The following SLC25A21 variants were observed in gnomAD, a reference collection of about 807,000 sequenced individuals.
SLC25A21 encodes the protein mitochondrial 2-oxodicarboxylate carrier.
A neutral mutation model predicts 43.8 loss-of-function variants in SLC25A21; 47 were observed. That is an observed-to-expected ratio of 1.07 (90% CI 0.85 to 1.37). SLC25A21 has a LOEUF of 1.37. Ranked by LOEUF, SLC25A21 falls within the 40% of genes most tolerant of loss-of-function variation. The pLI, the probability that SLC25A21 is intolerant of heterozygous loss-of-function variation, is 0.00. For synonymous variants in SLC25A21, 131 were observed against 121.3 expected, an observed-to-expected ratio of 1.08 and a Z score of -0.52; for missense variants, 352 against 350.2, an observed-to-expected ratio of 1.00 and a Z score of -0.04.
chr14:36,727,382 G>C lies in SLC25A21; in HGVS notation c.331-1705C>G, dbSNP rs75258141. ...GTGCTATGCAAACACCATTGTTCTT[G>C]TTGCGCATAAAAAAGGAAGAATGGG... On this transcript the variant is annotated intron_variant, in intron 5 of 9. Transcript: ENST00000331299. 6.8e-3 allele frequency among the ~76,000 whole-genome samples: 1,043 copies of C among 152,264 alleles called. 10 individuals carry two copies. The highest frequency in any genetic ancestry group is 0.024 in the African/African-American group (983 of 41,538).
chr14:36,934,317 G>A (rs1159992608), intron 1 of SLC25A21, among the ~76,000 whole-genome samples: 1 of 151,946 alleles, frequency 6.6e-6, no homozygotes, highest in African/African-American at 2.4e-5. Flanking sequence ...ATCTTAGGAA[G>A]GAGAATCTCT....
rs1483344608 is a variant in SLC25A21, at chr14:37,172,055, C to T, written c.70+226G>A. ...GACAATGCCGGGAACCCGAGAGCGG[C>T]CGGCGCGGACGCCGAGGCAACTTTA... On this transcript the variant is annotated intron_variant, in intron 1 of 9. Coordinates refer to ENST00000331299, the MANE Select transcript of SLC25A21 (RefSeq NM_030631.4). The T allele has an allele frequency of 5.5e-6, 3 of 546,322 alleles. No homozygotes were observed. The East Asian group carries it at 9.0e-5, about 16-fold the overall frequency. 33.8% of individuals were successfully genotyped at this position (546,322 alleles called of 1,614,324 possible).
chr14:36,681,746 T>A (rs553543018), intron 9 of SLC25A21, among the ~76,000 whole-genome samples: 5 of 152,228 alleles, frequency 3.3e-5, no homozygotes, highest in Non-Finnish European at 7.4e-5. Flanking sequence ...CTTTTTTTTT[T>A]AATCTATAGG....
intron 1 of SLC25A21, among the ~76,000 whole-genome samples, chr14:36,904,614 C>T (rs573382114): frequency 1.3e-5 from 2 of 152,294 alleles, no homozygotes; most frequent in South Asian, 2.1e-4. Flanking sequence ...ACTCACAGTT[C>T]CACATGGCTG....
chr14:36,856,416 A>G (rs1330146147), intron 2 of SLC25A21, among the ~76,000 whole-genome samples: 1 of 152,094 alleles, frequency 6.6e-6, no homozygotes, highest in Non-Finnish European at 1.5e-5. Context: ...TAGCTCAGAC[A>G]TGGCTTGTAA....
intron 7 of SLC25A21, among the ~76,000 whole-genome samples, chr14:36,691,632 T>G (rs759419031): frequency 2.0e-5 from 3 of 152,220 alleles, no homozygotes; most frequent in African/African-American, 7.2e-5. Flanking sequence ...GGCGGGAGGA[T>G]AGCTTGAAGC....
At chr14:36,715,670 T>C (rs1414992851) in intron 6 of SLC25A21, among the ~76,000 whole-genome samples, 1 of 152,236 alleles carries the variant, frequency 6.6e-6, no homozygotes, top group African/African-American at 2.4e-5. Context: ...AACAAATATT[T>C]TTTGCTTTAA....
chr14:36,740,174 T>A (rs1346251939), intron 3 of SLC25A21, among the ~76,000 whole-genome samples: 1 of 152,238 alleles, frequency 6.6e-6, no homozygotes, highest in Non-Finnish European at 1.5e-5. Context: ...AAGATAATTG[T>A]TAAATCTTAA....
Position 36,832,442 on chromosome 14 carries a change from T to G in SLC25A21, c.120-18441A>C, listed in dbSNP as rs1404688680. ...TGGAATTTTCTCATAAATATCCTAT[T>G]GCTTTGAGGCTCACGGGCCTGACTA... On this transcript the variant is annotated intron_variant, in intron 2 of 9. Coordinates refer to ENST00000331299, the MANE Select transcript of SLC25A21 (RefSeq NM_030631.4). Among the ~76,000 whole-genome samples the G allele has an allele frequency of 2.0e-5, 3 of 152,304 alleles. No homozygotes were observed. In the East Asian group the frequency reaches 5.8e-4, roughly 29 times the overall value.
chr14:37,170,276 C>T (rs1471234288), intron 1 of SLC25A21, among the ~76,000 whole-genome samples: 2 of 152,080 alleles, frequency 1.3e-5, no homozygotes, highest in Admixed American at 6.6e-5. Context: ...CCTGGTGATC[C>T]GCCTGCCTCC....
intron 4 of SLC25A21, among the ~76,000 whole-genome samples, chr14:36,731,209 G>A (rs768787358): frequency 4.6e-5 from 7 of 152,142 alleles, no homozygotes; most frequent in African/African-American, 7.2e-5. Context: ...TCCTGACCTC[G>A]TGATCCGACC....
chr14:36,774,811 G>A (rs2138364552), intron 3 of SLC25A21, among the ~76,000 whole-genome samples: 1 of 152,184 alleles, frequency 6.6e-6, no homozygotes, highest in East Asian at 1.9e-4. Context: ...AAAACAAAGA[G>A]GTAAAATAAG....
chr14:36,885,678 T>A (rs1890892758), intron 1 of SLC25A21, among the ~76,000 whole-genome samples: 1 of 152,228 alleles, frequency 6.6e-6, no homozygotes, highest in African/African-American at 2.4e-5. Context: ...TTTGAGTCTG[T>A]ATGTATCCTG....
chr14:37,002,871 T>C (rs1960518497), intron 1 of SLC25A21, among the ~76,000 whole-genome samples: 1 of 152,202 alleles, frequency 6.6e-6, no homozygotes, highest in Non-Finnish European at 1.5e-5. Flanking sequence ...AGTGATTATT[T>C]ACATTTGTAA....
chr14:36,958,874 A>G (rs1959414329), intron 1 of SLC25A21, among the ~76,000 whole-genome samples: 1 of 152,250 alleles, frequency 6.6e-6, no homozygotes, highest in South Asian at 2.1e-4. Flanking sequence ...CTAAAACTGT[A>G]TTCTACAACC....
At chr14:36,918,581 A>G (rs972795983) in intron 1 of SLC25A21, among the ~76,000 whole-genome samples, 4 of 152,138 alleles carry the variant, frequency 2.6e-5, no homozygotes, top group African/African-American at 9.6e-5. Context: ...ACACAGAGGA[A>G]TTTAAAGGGA....
chr14:37,097,420 A>C (rs182002761), intron 1 of SLC25A21, among the ~76,000 whole-genome samples: 3 of 152,160 alleles, frequency 2.0e-5, no homozygotes, highest in Admixed American at 2.0e-4. Context: ...TCTTGCGTTA[A>C]GGGTTGTTCA....
chr14:36,682,614 C>G (rs779681173), intron 9 of SLC25A21, among the ~76,000 whole-genome samples: 1 of 152,138 alleles, frequency 6.6e-6, no homozygotes, highest in African/African-American at 2.4e-5. Context: ...GCTGTGATTT[C>G]CTCTCATATT....
rs1354220619 is a variant in SLC25A21, at chr14:36,922,181, C to T, written c.71-47177G>A. Among the ~76,000 whole-genome samples, 4 of 151,370 alleles carry T rather than the reference C, an allele frequency of 2.6e-5. No individual in the cohort carries two copies. In the East Asian group the frequency reaches 7.8e-4, roughly 29 times the overall value. On this transcript the variant is annotated intron_variant, in intron 1 of 9. Transcript: ENST00000331299. ...GTAGTATAGAAACTAAGAATTCTGGCCATGATTTGGAATCCCACTATAAAC... is the reference window on the plus strand; with the variant it reads ...GTAGTATAGAAACTAAGAATTCTGGTCATGATTTGGAATCCCACTATAAAC...
Sources: allele counts gnomAD v4.1 joint callset (sites outside exome capture counted in the v4.1 genomes callset), GRCh38; gene constraint gnomAD v4.1.1; transcripts MANE v1.5; gene names NCBI Gene and HGNC (gene_info 2026-07-23, HGNC 2026-07-21).